The following DNAH14 variants were observed in gnomAD, a reference collection of about 807,000 sequenced individuals.
The protein encoded by DNAH14 is dynein axonemal heavy chain 14, also known as axonemal beta dynein heavy chain 14.
Under a neutral mutation model 520.9 loss-of-function variants are expected in DNAH14, and 478 were observed. The ratio of observed to expected loss-of-function variants is 0.92; its 90% CI spans 0.85 to 0.99. The LOEUF (loss-of-function observed/expected upper bound fraction) is 0.99, where lower values mean the gene tolerates loss of function less well. Ranked by LOEUF, DNAH14 falls within the 50% of genes least tolerant of loss-of-function variation. DNAH14 has a pLI of 0.00. For synonymous variants in DNAH14, 1,581 were observed against 1,757.2 expected (o/e 0.90, Z 2.51); for missense variants, 4,831 against 5,234.5 (o/e 0.92, Z 2.38).
intron 27 of DNAH14, 111 bp downstream of exon 27, chr1:225,123,725 AT>A (rs75447949): frequency 0.069 from 13,522 of 196,520 alleles, 771 homozygotes; most frequent in East Asian, 0.24. Flanking sequence ...GAGTCACATG[AT>A]TTTTTTTCCC....
chr1:225,186,336 C>A (rs894109945), intron 37 of DNAH14, among the ~76,000 whole-genome samples: 1 of 151,558 alleles, frequency 6.6e-6, no homozygotes, highest in Non-Finnish European at 1.5e-5. Context: ...TCAATTAGTT[C>A]TTACACAGTT....
chr1:225,369,868 TA>T (rs1224598452), intron 77 of DNAH14, among the ~76,000 whole-genome samples: 3 of 152,166 alleles, frequency 2.0e-5, no homozygotes, highest in Non-Finnish European at 4.4e-5. Flanking sequence ...TAACTCTAGA[TA>T]ACCTTTTATC....
intron 26 of DNAH14, among the ~76,000 whole-genome samples, chr1:225,120,488 C>T (rs2148877807): frequency 6.6e-6 from 1 of 152,246 alleles, no homozygotes; most frequent in African/African-American, 2.4e-5. Flanking sequence ...CAGACTGGTC[C>T]CCAGGCAAGA....
chr1:224,931,520 T>G (rs2058698343), intron 1 of DNAH14, among the ~76,000 whole-genome samples: 1 of 152,134 alleles, frequency 6.6e-6, no homozygotes, highest in Admixed American at 6.5e-5. Context: ...CTGAATTTAT[T>G]CCTTATATCT....
intron 55 of DNAH14, among the ~76,000 whole-genome samples, chr1:225,295,239 T>C (rs2093982502): frequency 6.6e-6 from 1 of 152,160 alleles, no homozygotes; most frequent in African/African-American, 2.4e-5. Flanking sequence ...TGTTTTTTAT[T>C]ATCAATTTCA....
In DNAH14 at chr1:225,331,530, C is replaced by T. The variant is rs920030520; in HGVS notation, c.9817C>T (p.Arg3273Cys). 9.7e-6 allele frequency: 15 copies of T among 1,551,286 alleles called. No individual in the cohort carries two copies. Among genetic ancestry groups the T allele is most frequent in the Admixed American group, 3.9e-5 (2 of 50,946 alleles). ...LANRKTMASRRFQCASVLLTV... is the reference protein window; with the variant it reads ...LANRKTMASRCFQCASVLLTV... The stretch of plus-strand genomic sequence containing the variant: ...AAATCGGAAAACAATGGCCAGCAGG[C>T]GCTTTCAGTGTGCGTCAGTCTTACT... Residue 3273 changes from arginine (R) to cysteine (C), a missense_variant, in exon 65 of 86, where the codon CGC becomes TGC. Coordinates refer to ENST00000682510, the MANE Select transcript of DNAH14 (RefSeq NM_001367479.1).
At chr1:225,308,514 C>A in intron 60 of DNAH14, 104 bp downstream of exon 60, 2 of 1,118,310 alleles carry the variant, frequency 1.8e-6, no homozygotes, top group Non-Finnish European at 2.5e-6. Flanking sequence ...ATACATAGTG[C>A]CCCAACTATG....
intron 76 of DNAH14, 96 bp downstream of exon 76, chr1:225,364,990 C>A: frequency 1.1e-6 from 1 of 897,086 alleles, no homozygotes; most frequent in Non-Finnish European, 1.6e-6. Flanking sequence ...AAAGAGAAAG[C>A]TAATTCTGAT....
intron 53 of DNAH14, 72 bp from the exon 54 acceptor site, chr1:225,277,338 A>G (rs1339704434): frequency 4.7e-6 from 2 of 423,248 alleles, no homozygotes; most frequent in African/African-American, 2.1e-5. Context: ...AGTAAATTGT[A>G]TGTAAAACCA....
chr1:225,291,614 T>G (rs1328425702), intron 55 of DNAH14, among the ~76,000 whole-genome samples: 2 of 152,124 alleles, frequency 1.3e-5, no homozygotes, highest in Non-Finnish European at 2.9e-5. Flanking sequence ...CTCACTGTGT[T>G]GCCCAGACTC....
At chr1:224,953,257 G>A (rs2125503042) in intron 2 of DNAH14, among the ~76,000 whole-genome samples, 1 of 151,932 alleles carries the variant, frequency 6.6e-6, no homozygotes, top group East Asian at 1.9e-4. Context: ...CGAGTAGCTG[G>A]GGTTACAGGT....
At chr1:225,236,689 G>T (rs554398472) in intron 42 of DNAH14, among the ~76,000 whole-genome samples, 1 of 152,208 alleles carries the variant, frequency 6.6e-6, no homozygotes, top group South Asian at 2.1e-4. Flanking sequence ...TTGTCAAATT[G>T]AACCCTATAC....
chr1:225,255,332 G>C (rs2092696827), intron 44 of DNAH14, among the ~76,000 whole-genome samples: 1 of 152,252 alleles, frequency 6.6e-6, no homozygotes, highest in East Asian at 1.9e-4. Flanking sequence ...GATTTTGATT[G>C]AATCAATCAA....
chr1:225,157,301 A>G (rs2149126007), intron 34 of DNAH14, among the ~76,000 whole-genome samples: 1 of 152,326 alleles, frequency 6.6e-6, no homozygotes, highest in East Asian at 1.9e-4. Flanking sequence ...AGTCCTTAAC[A>G]CAATATTGGG....
intron 36 of DNAH14, among the ~76,000 whole-genome samples, chr1:225,176,192 AT>A (rs1441527551): frequency 6.6e-6 from 1 of 151,676 alleles, no homozygotes; most frequent in Non-Finnish European, 1.5e-5. Flanking sequence ...TTATTTTTTA[AT>A]TTTTTTCATT....
intron 17 of DNAH14, among the ~76,000 whole-genome samples, chr1:225,064,675 A>G (rs74196450): frequency 0.055 from 8,407 of 152,128 alleles, 471 homozygotes; most frequent in East Asian, 0.24. Context: ...AGTACCTACT[A>G]TGTGATTCCA....
At position 225,336,098 on chromosome 1, in the gene DNAH14, C is replaced by A. The variant is rs1046010237; in HGVS notation, c.10081-1168C>A. On this transcript the variant is annotated intron_variant, in intron 66 of 85. Transcript: ENST00000682510. Reference sequence around the variant, plus strand: ...ACTTATATATACATATATGCTTATACATATATGTATAAGACTACACATATG... The same window carrying A: ...ACTTATATATACATATATGCTTATAAATATATGTATAAGACTACACATATG... 2.0e-5 allele frequency among the ~76,000 whole-genome samples: 3 copies of A among 147,550 alleles called. No homozygotes were observed. In the Admixed American group the frequency reaches 2.0e-4, roughly 10 times the overall value.
chr1:225,265,992 G>A (rs1430980767), intron 48 of DNAH14, among the ~76,000 whole-genome samples: 1 of 151,844 alleles, frequency 6.6e-6, no homozygotes, highest in East Asian at 1.9e-4. Flanking sequence ...TCTATTTGTG[G>A]GTTTTTTACG....
At chr1:225,123,812 G>A (rs534829608) in intron 27 of DNAH14, among the ~76,000 whole-genome samples, 198 bp downstream of exon 27, 1 of 152,132 alleles carries the variant, frequency 6.6e-6, no homozygotes, top group South Asian at 2.1e-4. Context: ...GAGTGCAGTG[G>A]TACAATCTCA....
Sources: gnomAD v4.1 joint callset for allele counts (sites outside exome capture counted in the v4.1 genomes callset) on GRCh38, gnomAD v4.1.1 for gene constraint, MANE v1.5 for transcripts, NCBI Gene and HGNC (gene_info 2026-07-23, HGNC 2026-07-21) for gene names.